The following PPP2R2B variants were observed in gnomAD, a reference collection of about 807,000 sequenced individuals.
The protein encoded by PPP2R2B is protein phosphatase 2 regulatory subunit Bbeta.
PPP2R2B carries 5 observed loss-of-function variants against 46.0 expected under a neutral mutation model. That is an observed-to-expected ratio of 0.11 (90% CI 0.06 to 0.23). The LOEUF is 0.23. Among genes scored for constraint, PPP2R2B ranks in the 10% least tolerant of loss-of-function variants. The pLI, the probability that PPP2R2B is intolerant of heterozygous loss-of-function variation, is 1.00. For synonymous variants in PPP2R2B, 215 were observed against 206.7 expected (o/e 1.04, Z -0.34); for missense variants, 367 against 575.0 (o/e 0.64, Z 3.70).
chr5:146,629,271 C>T (rs1364216377), intron 7 of PPP2R2B, among the ~76,000 whole-genome samples: 6 of 152,202 alleles, frequency 3.9e-5, no homozygotes, highest in Non-Finnish European at 7.3e-5. Context: ...AAAACTGTTC[C>T]TTCCCCAGTC....
At chr5:146,849,931 G>T (rs1760239431) in intron 2 of PPP2R2B, among the ~76,000 whole-genome samples, 1 of 152,262 alleles carries the variant, frequency 6.6e-6, no homozygotes, top group African/African-American at 2.4e-5. Context: ...CACTCCAATA[G>T]CACAGCAGAA....
intron 1 of PPP2R2B, among the ~76,000 whole-genome samples, chr5:147,003,894 C>A (rs112698243): frequency 6.6e-6 from 1 of 151,944 alleles, no homozygotes; most frequent in Non-Finnish European, 1.5e-5. Flanking sequence ...CCAACTCACT[C>A]GAGGGTCAAT....
chr5:147,049,159 T>C (rs1338616114), intron 1 of PPP2R2B, among the ~76,000 whole-genome samples: 1 of 151,852 alleles, frequency 6.6e-6, no homozygotes, highest in Non-Finnish European at 1.5e-5. Context: ...GAAAGGATTC[T>C]CTGGTGAAGA....
At chr5:146,887,532 T>A (rs1033480584) in intron 1 of PPP2R2B, among the ~76,000 whole-genome samples, 3 of 152,174 alleles carry the variant, frequency 2.0e-5, no homozygotes, top group African/African-American at 7.2e-5. Flanking sequence ...TAATTTTGAA[T>A]CCAATCTGCA....
rs190224703 is a variant in PPP2R2B at position 146,771,022 on chromosome 5, A to G, written c.71-69880T>C. 1.1e-3 allele frequency among the ~76,000 whole-genome samples: 166 copies of G among 152,346 alleles called. 2 individuals carry two copies. The East Asian group carries it at 0.028, about 26-fold the overall frequency. ...TCTACCAGGCGCATTTTGAAAAGCC[A>G]CAGACAGCTTTCCTGCTGCATAAAG... is the stretch of plus-strand genomic sequence containing the variant. On this transcript the variant is annotated intron_variant, in intron 2 of 9. Coordinates refer to ENST00000394411, the MANE Select transcript of PPP2R2B (RefSeq NM_181675.4).
At chr5:146,650,125 A>G (rs1031700937) in intron 6 of PPP2R2B, among the ~76,000 whole-genome samples, 1 of 152,212 alleles carries the variant, frequency 6.6e-6, no homozygotes, top group African/African-American at 2.4e-5. Flanking sequence ...AACTCAATAA[A>G]TGTCAGTCAC....
intron 1 of PPP2R2B, among the ~76,000 whole-genome samples, chr5:146,964,172 G>T (rs181517521): frequency 1.5e-3 from 235 of 152,266 alleles, no homozygotes; most frequent in African/African-American, 5.4e-3. Context: ...GAGATTCCAC[G>T]GCTAAATACG....
chr5:147,026,093 A>C (rs1306847056), intron 1 of PPP2R2B, among the ~76,000 whole-genome samples: 4 of 152,108 alleles, frequency 2.6e-5, no homozygotes, highest in African/African-American at 9.6e-5. Flanking sequence ...ATGTTCCCCT[A>C]TCGTATGATC....
chr5:147,027,389 C>T (rs943078347), intron 1 of PPP2R2B, among the ~76,000 whole-genome samples: 1 of 152,152 alleles, frequency 6.6e-6, no homozygotes, highest in Non-Finnish European at 1.5e-5. Flanking sequence ...AATCCCAGCA[C>T]TTTGTGAGGC....
intron 2 of PPP2R2B, among the ~76,000 whole-genome samples, chr5:146,789,851 A>C (rs1344680271): frequency 2.0e-5 from 3 of 152,196 alleles, no homozygotes; most frequent in African/African-American, 7.2e-5. Flanking sequence ...AACCTTTCCA[A>C]GAAGAAAAAA....
At chr5:146,812,456 G>A (rs1265663251) in intron 2 of PPP2R2B, among the ~76,000 whole-genome samples, 3 of 113,142 alleles carry the variant, frequency 2.7e-5, no homozygotes, top group Non-Finnish European at 5.5e-5. Flanking sequence ...CTCTTCTGAG[G>A]ACTAAGTAAC....
In PPP2R2B at chr5:146,685,426, G is replaced by A. The variant is rs573219387; in HGVS notation, c.447+5702C>T. On this transcript the variant is annotated intron_variant, in intron 5 of 9. Coordinates refer to ENST00000394411, the MANE Select transcript of PPP2R2B (RefSeq NM_181675.4). ...CACTAAGAAAGGCTGAATATGCACAGTTGCTACTATTAGTAAGCCTAAACC... is the reference window on the plus strand; with the variant it reads ...CACTAAGAAAGGCTGAATATGCACAATTGCTACTATTAGTAAGCCTAAACC... 1.0e-3 allele frequency among the ~76,000 whole-genome samples: 153 copies of A among 152,382 alleles called. 5 individuals are homozygous for A. In the South Asian group the frequency reaches 0.03, roughly 30 times the overall value.
In PPP2R2B at chr5:146,878,536, C is replaced by T; in HGVS notation, c.-125+55G>A. On this transcript the variant is annotated intron_variant, in intron 1 of 9. Coordinates refer to ENST00000394411, the MANE Select transcript of PPP2R2B (RefSeq NM_181675.4). This position sits in a 1 kb window ranked among gnomAD's most constrained non-coding sequence, Gnocchi z 4.5. The stretch of plus-strand genomic sequence containing the variant: ...AGCGGGCAGCCGCGACAAAATGGTG[C>T]CTTTCTGGACCCGAGCTGCAGTGGC... The T allele has an allele frequency of 7.9e-7, 1 of 1,266,200 alleles. No individual in the cohort carries two copies. The highest frequency in any genetic ancestry group is 1.0e-6 in the Non-Finnish European group (1 of 988,902). 78.4% of individuals were successfully genotyped at this position (1,266,200 alleles called of 1,614,324 possible). A position where few individuals can be genotyped will look rare whatever the true frequency, so the allele number is the denominator to read the frequency against.
chr5:146,825,389 C>A (rs1758516642), intron 2 of PPP2R2B, among the ~76,000 whole-genome samples: 1 of 152,188 alleles, frequency 6.6e-6, no homozygotes, highest in Non-Finnish European at 1.5e-5. Flanking sequence ...ATTCTGCTTT[C>A]CTAACAAGCT....
chr5:146,712,092 G>A (rs1001972432), intron 2 of PPP2R2B, among the ~76,000 whole-genome samples: 1 of 152,086 alleles, frequency 6.6e-6, no homozygotes, highest in African/African-American at 2.4e-5. Context: ...TAAAACATGA[G>A]GTCCCGATGT....
chr5:147,030,798 C>T (rs1323169836), intron 1 of PPP2R2B, among the ~76,000 whole-genome samples: 1 of 152,038 alleles, frequency 6.6e-6, no homozygotes, highest in Non-Finnish European at 1.5e-5. Context: ...TTATTTTTGT[C>T]CCCTGTTTTA....
At chr5:147,066,102 T>G (rs1257770999) in intron 2 of PPP2R2B, among the ~76,000 whole-genome samples, 1 of 152,170 alleles carries the variant, frequency 6.6e-6, no homozygotes, top group Non-Finnish European at 1.5e-5. Flanking sequence ...CCATTATTGA[T>G]TCCCTTGAAT....
chr5:147,030,389 T>C (rs946679570), intron 1 of PPP2R2B, among the ~76,000 whole-genome samples: 5 of 152,168 alleles, frequency 3.3e-5, no homozygotes, highest in African/African-American at 7.2e-5. Flanking sequence ...TATAAGTACT[T>C]TCATATTTTC....
intron 7 of PPP2R2B, among the ~76,000 whole-genome samples, chr5:146,617,897 G>A (rs1773336347): frequency 6.6e-6 from 1 of 152,016 alleles, no homozygotes; most frequent in Non-Finnish European, 1.5e-5. Flanking sequence ...GTTTCACCAT[G>A]TTGGCCAGGC....
Sources: allele counts gnomAD v4.1 joint callset (sites outside exome capture counted in the v4.1 genomes callset), GRCh38; gene constraint gnomAD v4.1.1; non-coding constraint Gnocchi (gnomAD v3.1); transcripts MANE v1.5; gene names NCBI Gene and HGNC (gene_info 2026-07-23, HGNC 2026-07-21).